The following PTPRT variants were observed in gnomAD, a reference collection of about 807,000 sequenced individuals.
PTPRT encodes receptor-type tyrosine-protein phosphatase T.
PTPRT carries 56 observed loss-of-function variants against 176.8 expected under a neutral mutation model. The ratio of observed to expected loss-of-function variants is 0.32; its 90% CI spans 0.26 to 0.40. PTPRT has a LOEUF of 0.40. Among genes scored for constraint, PTPRT ranks in the 10% least tolerant of loss-of-function variants. PTPRT has a pLI of 1.00. For synonymous variants in PTPRT, 783 were observed against 739.0 expected (o/e 1.06, Z -0.96); for missense variants, 1,540 against 1,908.2 (o/e 0.81, Z 3.60).
chr20:42,819,742 T>TAA (rs199792404), intron 2 of PTPRT, among the ~76,000 whole-genome samples: 6 of 147,706 alleles, frequency 4.1e-5, no homozygotes, highest in South Asian at 2.1e-4. Flanking sequence ...AAAATAAAAA[T>TAA]AAAAAAAAAT....
chr20:43,170,846 T>C (rs2014979225), intron 1 of PTPRT, among the ~76,000 whole-genome samples: 2 of 152,204 alleles, frequency 1.3e-5, no homozygotes, highest in Admixed American at 6.5e-5. Flanking sequence ...CAAGATGAGA[T>C]ATATTTAAGG....
At chr20:42,126,873 A>G (rs1194125575) in intron 19 of PTPRT, among the ~76,000 whole-genome samples, 1 of 152,238 alleles carries the variant, frequency 6.6e-6, no homozygotes, top group Non-Finnish European at 1.5e-5. Flanking sequence ...GAGAAAAGCT[A>G]TTCAGAACTG....
At chr20:42,777,153 G>A (rs1600726053) in intron 4 of PTPRT, among the ~76,000 whole-genome samples, 1 of 152,254 alleles carries the variant, frequency 6.6e-6, no homozygotes, top group African/African-American at 2.4e-5. Context: ...CCAACACAGA[G>A]CAGCCCAAGT....
At chr20:42,612,129 A>G (rs73280543) in intron 7 of PTPRT, among the ~76,000 whole-genome samples, 4,790 of 152,178 alleles carry the variant, frequency 0.031, 253 homozygotes, top group African/African-American at 0.11. Context: ...ACACAGGAAG[A>G]CAACTGATGC....
chr20:42,969,788 CTTGAT>C (rs1367608747), intron 1 of PTPRT: 1 of 152,154 alleles, frequency 6.6e-6, no homozygotes, highest in Non-Finnish European at 1.5e-5. Context: ...TATCAACATG[CTTGAT>C]TTAAGGGTGC....
the PTPRT span, among the ~76,000 whole-genome samples, chr20:42,050,050 A>C: frequency 3.3e-5 from 5 of 152,200 alleles, no homozygotes; most frequent in Non-Finnish European, 7.3e-5. Context: ...CTCTTCCACA[A>C]ATATTTCGGA....
intron 19 of PTPRT, among the ~76,000 whole-genome samples, chr20:42,121,700 TATA>T (rs2146336547): frequency 6.9e-5 from 1 of 14,476 alleles, no homozygotes; most frequent in Non-Finnish European, 2.1e-4. Context: ...AAATTTTTTA[TATA>T]TATATATATA....
the PTPRT span, among the ~76,000 whole-genome samples, chr20:42,056,531 G>A: frequency 6.6e-6 from 1 of 152,184 alleles, no homozygotes; most frequent in Non-Finnish European, 1.5e-5. Context: ...TGCCAGTACC[G>A]TGTTATGTGC....
At chr20:43,026,696 T>C (rs1985927435) in intron 1 of PTPRT, among the ~76,000 whole-genome samples, 1 of 152,176 alleles carries the variant, frequency 6.6e-6, no homozygotes, top group Non-Finnish European at 1.5e-5. Context: ...TTCATTCTAT[T>C]TTTTGTGCCC....
intron 7 of PTPRT, among the ~76,000 whole-genome samples, chr20:42,522,537 T>G (rs2072194827): frequency 6.6e-6 from 1 of 152,142 alleles, no homozygotes. Context: ...TTCAGCTTAC[T>G]GCAACCTCCG....
chr20:42,326,964 AAC>A (rs1280092054), intron 11 of PTPRT, among the ~76,000 whole-genome samples: 25 of 150,752 alleles, frequency 1.7e-4, no homozygotes, highest in South Asian at 1.5e-3. Flanking sequence ...AAAAAAAAAA[AAC>A]AACAAAGGAA....
chr20:42,982,689 G>A (rs6030582), intron 1 of PTPRT, among the ~76,000 whole-genome samples: 3,297 of 152,200 alleles, frequency 0.022, 113 homozygotes, highest in African/African-American at 0.075. Context: ...CCGTCCACTC[G>A]GCTTCCCCAG....
intron 16 of PTPRT, among the ~76,000 whole-genome samples, chr20:42,195,732 T>C (rs1600661350): frequency 6.6e-6 from 1 of 152,246 alleles, no homozygotes; most frequent in East Asian, 1.9e-4. Flanking sequence ...TATACAGTCA[T>C]ATATGTATAT....
intron 1 of PTPRT, among the ~76,000 whole-genome samples, chr20:43,117,548 T>G (rs548537071): frequency 6.6e-6 from 1 of 152,170 alleles, no homozygotes; most frequent in Non-Finnish European, 1.5e-5. Flanking sequence ...GCCAGCCTGG[T>G]GAACTGAGCC....
In PTPRT at chr20:42,115,406, C is replaced by T. The variant is rs1186338554; in HGVS notation, c.2983-91G>A. Reference sequence around the variant, plus strand: ...AGTGTGAGCAGCTGTCTCATCTGGTCGTCCCATCCAAATAAACCCAAGGGT... The same window carrying T: ...AGTGTGAGCAGCTGTCTCATCTGGTTGTCCCATCCAAATAAACCCAAGGGT... On this transcript the variant is annotated intron_variant, in intron 21 of 30. Transcript: ENST00000373187. The T allele has an allele frequency of 1.3e-5, 13 of 989,944 alleles. No individual in the cohort carries two copies. In the East Asian group the frequency reaches 1.7e-4, roughly 13 times the overall value. The allele number at this position is 989,944 out of a possible 1,614,324, so 61.3% of individuals were successfully genotyped here.
At chr20:43,057,630 T>C (rs1444238592) in intron 1 of PTPRT, among the ~76,000 whole-genome samples, 1 of 152,214 alleles carries the variant, frequency 6.6e-6, no homozygotes, top group South Asian at 2.1e-4. Context: ...GCTGGGTGAA[T>C]GGTACAAGGA....
chr20:42,855,408 G>A (rs1024332507), intron 2 of PTPRT, among the ~76,000 whole-genome samples: 1 of 144,232 alleles, frequency 6.9e-6, no homozygotes. Context: ...CAAAATGAAA[G>A]AAGAGTAATC....
chr20:42,816,714 G>T (rs923276144), intron 2 of PTPRT, among the ~76,000 whole-genome samples: 2 of 152,190 alleles, frequency 1.3e-5, no homozygotes, highest in African/African-American at 2.4e-5. Flanking sequence ...TGCCATGATT[G>T]TAAGTTTCCT....
intron 23 of PTPRT, among the ~76,000 whole-genome samples, chr20:42,108,301 C>T (rs374904573): frequency 7.2e-4 from 109 of 152,154 alleles, no homozygotes; most frequent in African/African-American, 2.6e-3. Context: ...TTTGAAAAGA[C>T]CCCCTAGGAT....
Sources: allele counts gnomAD v4.1 joint callset (sites outside exome capture counted in the v4.1 genomes callset), GRCh38; gene constraint gnomAD v4.1.1; transcripts MANE v1.5; gene names NCBI Gene and HGNC (gene_info 2026-07-23, HGNC 2026-07-21).